Variants in PICALM observed in about 807,000 individuals in gnomAD.
PICALM encodes phosphatidylinositol binding clathrin assembly protein, also known as phosphatidylinositol-binding clathrin assembly protein.
A neutral mutation model predicts 80.5 loss-of-function variants in PICALM; 40 were observed. That is an observed-to-expected ratio of 0.50 (90% CI 0.39 to 0.65). The LOEUF (loss-of-function observed/expected upper bound fraction) is 0.65, where lower values mean the gene tolerates loss of function less well. PICALM is among the 30% of genes least tolerant of loss of function. The pLI, the probability that PICALM is intolerant of heterozygous loss-of-function variation, is 0.00. For synonymous variants in PICALM, 288 were observed against 260.3 expected, an observed-to-expected ratio of 1.11 and a Z score of -1.02; for missense variants, 676 against 778.9, an observed-to-expected ratio of 0.87 and a Z score of 1.57.
chr11:86,024,082 T>C lies in PICALM; in HGVS notation c.350-1613A>G, dbSNP rs2095609416. 2.0e-5 allele frequency among the ~76,000 whole-genome samples: 3 copies of C among 151,996 alleles called. No individual in the cohort carries two copies. In the South Asian group the frequency reaches 6.2e-4, roughly 32 times the overall value. ...AGTTAGAGGCTGCAGTGAGCTACGA[T>C]CATACCACTGCACCCAGCCTAGGTG... On this transcript the variant is annotated intron_variant, in intron 3 of 19. Transcript: ENST00000393346.
At chr11:85,967,928 T>G (rs2093958451) in intron 19 of PICALM, among the ~76,000 whole-genome samples, 1 of 109,456 alleles carries the variant, frequency 9.1e-6, no homozygotes, top group Admixed American at 9.9e-5. Context: ...TGATTTAAAA[T>G]TAGCCACTGC....
intron 3 of PICALM, 63 bp from the exon 4 acceptor site, chr11:86,022,532 A>C: frequency 1.2e-6 from 1 of 830,882 alleles, no homozygotes; most frequent in South Asian, 1.8e-5. Context: ...AATGACTAAA[A>C]ATCCCAATAT....
intron 1 of PICALM, among the ~76,000 whole-genome samples, chr11:86,045,888 AC>A (rs2137176116): frequency 6.6e-6 from 1 of 152,296 alleles, no homozygotes; most frequent in Admixed American, 6.5e-5. Flanking sequence ...ATGATGCCAA[AC>A]GATCTTCAAA....
At chr11:86,066,221 C>A (rs2096446013) in intron 1 of PICALM, among the ~76,000 whole-genome samples, 1 of 152,146 alleles carries the variant, frequency 6.6e-6, no homozygotes, top group African/African-American at 2.4e-5. Context: ...TAGTAAACCA[C>A]TCACTGGTCA....
In PICALM at chr11:86,012,396, G is replaced by C. The variant is rs935652506; in HGVS notation, c.547-4C>G. The stretch of plus-strand genomic sequence containing the variant: ...TTGTAAGTTCATTGCTATTAACCTA[G>C]GGAAAAATTGGAAAATAAAATTAGC... On this transcript the variant is annotated splice_region_variant and splice_polypyrimidine_tract_variant and intron_variant, in intron 5 of 19. Transcript: ENST00000393346. 11 of 1,515,862 alleles carry C rather than the reference G, an allele frequency of 7.3e-6. No homozygotes were observed. The highest frequency in any genetic ancestry group is 2.7e-5 in the African/African-American group (2 of 72,792). 93.9% of individuals were successfully genotyped at this position (1,515,862 alleles called of 1,614,324 possible).
At chr11:86,015,517 T>C (rs2095467985) in intron 4 of PICALM, among the ~76,000 whole-genome samples, 1 of 152,200 alleles carries the variant, frequency 6.6e-6, no homozygotes, top group Non-Finnish European at 1.5e-5. Context: ...ACCAAATCAT[T>C]CTAATCTGGC....
rs996646034 is a variant in PICALM at position 85,973,039 on chromosome 11, G to A, written c.1944+1669C>T. On this transcript the variant is annotated intron_variant, in intron 19 of 19. Transcript: ENST00000393346. ...AAAGTGACTGACTTATAAAAGTAAT[G>A]ACTGTGTCAATTACCCTCACTCCAA... Among the ~76,000 whole-genome samples, 3 of 152,108 alleles carry A rather than the reference G, an allele frequency of 2.0e-5. No individual in the cohort carries two copies. In the East Asian group the frequency reaches 5.8e-4, roughly 29 times the overall value.
At chr11:86,036,919 C>T (rs2095850432) in intron 1 of PICALM, among the ~76,000 whole-genome samples, 1 of 143,856 alleles carries the variant, frequency 7.0e-6, no homozygotes, top group Non-Finnish European at 1.5e-5. Flanking sequence ...CTAAGCAACA[C>T]AGGGAGATCC....
In PICALM at chr11:86,028,249, C is replaced by T. The variant is rs372687221; in HGVS notation, c.274-1882G>A. 3.0e-3 allele frequency among the ~76,000 whole-genome samples: 452 copies of T among 152,240 alleles called. 3 individuals are homozygous for T. Among genetic ancestry groups the T allele is most frequent in the African/African-American group, 0.01 (434 of 41,550 alleles). On this transcript the variant is annotated intron_variant, in intron 2 of 19. Coordinates refer to ENST00000393346, the MANE Select transcript of PICALM (RefSeq NM_007166.4). ...AACACTCTGGCAAGTAATAAGGCTT[C>T]ACAGGTTCCCATTTTGGGTCATAAG...
chr11:86,052,822 C>A (rs2096211387), intron 1 of PICALM, among the ~76,000 whole-genome samples: 1 of 152,200 alleles, frequency 6.6e-6, no homozygotes, highest in African/African-American at 2.4e-5. Context: ...ATTGCTCCGA[C>A]TGTATTTCTC....
intron 3 of PICALM, among the ~76,000 whole-genome samples, chr11:86,025,862 C>T (rs976281982): frequency 2.0e-5 from 3 of 152,136 alleles, no homozygotes; most frequent in African/African-American, 4.8e-5. Flanking sequence ...CCCAGCCTTA[C>T]ATAGCATGTC....
chr11:85,962,550 T>C (rs930351202), intron 19 of PICALM, among the ~76,000 whole-genome samples: 2 of 152,176 alleles, frequency 1.3e-5, no homozygotes, highest in South Asian at 2.1e-4. Flanking sequence ...CTATTTTCAA[T>C]ATGTGAGCAT....
rs1345998915 is a variant in PICALM, at chr11:85,965,833, T to G, written c.1945-6773A>C. ...TTTTTTTGTTTTTTTTTTTTTTTTT[T>G]TTTTTGAGACAGACTCTCTGTCGCC... On this transcript the variant is annotated intron_variant, in intron 19 of 19. Transcript: ENST00000393346. Among the ~76,000 whole-genome samples the G allele has an allele frequency of 1.7e-3, 254 of 146,922 alleles. 1 individual carries two copies. Among genetic ancestry groups the G allele is most frequent in the African/African-American group, 5.9e-3 (232 of 39,466 alleles).
chr11:86,041,071 A>G (rs1487165188), intron 1 of PICALM, among the ~76,000 whole-genome samples: 2 of 152,202 alleles, frequency 1.3e-5, no homozygotes, highest in African/African-American at 2.4e-5. Context: ...ATCATACAAT[A>G]GTTACAGCAC....
chr11:86,047,218 T>G (rs965759659), intron 1 of PICALM, among the ~76,000 whole-genome samples: 1 of 152,230 alleles, frequency 6.6e-6, no homozygotes, highest in African/African-American at 2.4e-5. Context: ...CTCTAATTAC[T>G]CTAAACTGCA....
intron 1 of PICALM, among the ~76,000 whole-genome samples, chr11:86,032,225 A>G (rs939517071): frequency 6.6e-6 from 1 of 152,216 alleles, no homozygotes; most frequent in Non-Finnish European, 1.5e-5. Context: ...GTTGATAACT[A>G]GGTAATACTG....
At chr11:86,068,600 C>T (rs377209606) in intron 1 of PICALM, 51 bp downstream of exon 1, 3 of 1,561,370 alleles carry the variant, frequency 1.9e-6, no homozygotes, top group Middle Eastern at 2.0e-4. Flanking sequence ...GAAGGACGCG[C>T]GCGGGTCGCG....
chr11:86,021,103 T>A (rs2095555106), intron 4 of PICALM, among the ~76,000 whole-genome samples: 1 of 152,152 alleles, frequency 6.6e-6, no homozygotes, highest in Admixed American at 6.5e-5. Context: ...ATCTCAACAC[T>A]GTGGGAGGCC....
chr11:86,069,179 C>T (rs1026708235), upstream of PICALM: 26 of 204,300 alleles, frequency 1.3e-4, no homozygotes, highest in African/African-American at 5.1e-4. Flanking sequence ...TTCCCCTTCC[C>T]TTTCCTCTTC....
Sources: allele counts gnomAD v4.1 joint callset (sites outside exome capture counted in the v4.1 genomes callset), GRCh38; gene constraint gnomAD v4.1.1; transcripts MANE v1.5; gene names NCBI Gene and HGNC (gene_info 2026-07-23, HGNC 2026-07-21).